The following NDUFAF6 variants were observed in gnomAD, a reference collection of about 807,000 sequenced individuals.
NDUFAF6 encodes the protein NADH dehydrogenase (ubiquinone) complex I, assembly factor 6.
Under a neutral mutation model 40.8 loss-of-function variants are expected in NDUFAF6, and 45 were observed. The ratio of observed to expected loss-of-function variants is 1.10; its 90% CI spans 0.87 to 1.42. NDUFAF6 has a LOEUF of 1.42. Among genes scored for constraint, NDUFAF6 ranks in the 40% most tolerant of loss-of-function variants. The pLI is 0.00. For synonymous variants in NDUFAF6, 185 were observed against 155.9 expected, an observed-to-expected ratio of 1.19 and a Z score of -1.39; for missense variants, 435 against 418.5, an observed-to-expected ratio of 1.04 and a Z score of -0.34.
chr8:95,025,066 C>T lies in NDUFAF6; in HGVS notation c.58C>T (p.Leu20=), dbSNP rs768378051. The T allele has an allele frequency of 2.2e-5, 32 of 1,435,674 alleles. No homozygotes were observed. In the East Asian group the frequency reaches 5.3e-4, roughly 24 times the overall value. 88.9% of individuals were successfully genotyped at this position (1,435,674 alleles called of 1,614,324 possible). A position where few individuals can be genotyped will look rare whatever the true frequency, so the allele number is the denominator to read the frequency against. The change falls in exon 1 of 9, where the codon CTG becomes TTG. Residue 20 remains leucine (L), a synonymous_variant. Coordinates refer to ENST00000396124, the MANE Select transcript of NDUFAF6 (RefSeq NM_152416.4). ...GCCGTTGCGGCTTGGCATCCCCGGC[C>T]TGTGCTGCCGCCGGCCGCCTCTGGG... ...WGPLRLGIPG[L]CCRRPPLGLY... is the part of the protein sequence containing the mutation.
upstream of NDUFAF6, chr8:95,100,251 G>C (rs1395666200): frequency 1.5e-5 from 2 of 137,906 alleles, no homozygotes; most frequent in Non-Finnish European, 3.1e-5. Flanking sequence ...TCAGGATGTG[G>C]TCTGCATGCA....
At chr8:95,033,884 G>A (rs1829162869) in intron 2 of NDUFAF6, 1 of 388,340 alleles carries the variant, frequency 2.6e-6, no homozygotes, top group Non-Finnish European at 5.3e-6. Context: ...ATTCAGTTAG[G>A]GGCACCTGGG....
At chr8:94,908,180 G>A (rs565144775) in intron 1 of NDUFAF6, among the ~76,000 whole-genome samples, 3 of 152,244 alleles carry the variant, frequency 2.0e-5, no homozygotes, top group Admixed American at 6.5e-5. Context: ...CCAGTACCTC[G>A]CATTGTGCCT....
At chr8:94,919,600 C>T (rs751095725) in intron 1 of NDUFAF6, among the ~76,000 whole-genome samples, 7 of 152,142 alleles carry the variant, frequency 4.6e-5, no homozygotes, top group Admixed American at 3.3e-4. Flanking sequence ...GTTTTGGCTA[C>T]TGTTGTTCCA....
At chr8:94,917,799 G>A (rs1369890548) in intron 1 of NDUFAF6, among the ~76,000 whole-genome samples, 1 of 152,112 alleles carries the variant, frequency 6.6e-6, no homozygotes, top group East Asian at 1.9e-4. Flanking sequence ...GTTTTTCCAA[G>A]CCCATTTTAT....
chr8:95,028,245 G>A (rs1828415544), intron 1 of NDUFAF6, among the ~76,000 whole-genome samples: 1 of 152,226 alleles, frequency 6.6e-6, no homozygotes, highest in Non-Finnish European at 1.5e-5. Flanking sequence ...CTGCATAGAT[G>A]TTAGAATGAA....
At chr8:94,954,269 G>A (rs945348509), upstream of NDUFAF6, among the ~76,000 whole-genome samples, 21 of 152,110 alleles carry the variant, frequency 1.4e-4, no homozygotes, top group African/African-American at 5.1e-4. Context: ...CACCATGTTG[G>A]CCAGGATGGT....
At chr8:95,000,954 C>CT (rs1158530408) in intron 2 of NDUFAF6, among the ~76,000 whole-genome samples, 4,901 of 133,988 alleles carry the variant, frequency 0.037, 91 homozygotes, top group Non-Finnish European at 0.041. Context: ...CTTCCCCTTA[C>CT]TTTTTTTTTT....
downstream of NDUFAF6, among the ~76,000 whole-genome samples, chr8:95,104,391 A>G (rs1269557619): frequency 2.0e-5 from 3 of 152,092 alleles, no homozygotes; most frequent in African/African-American, 7.2e-5. Flanking sequence ...CAGTTCTTAT[A>G]TCTAGTCACC....
At chr8:95,064,555 G>A (rs1461984408) in intron 9 of NDUFAF6, among the ~76,000 whole-genome samples, 1 of 152,074 alleles carries the variant, frequency 6.6e-6, no homozygotes, top group African/African-American at 2.4e-5. Context: ...GTGTGTGTGT[G>A]TGTGTGTGCG....
At chr8:95,074,793 C>G (rs1832980740) in intron 9 of NDUFAF6, among the ~76,000 whole-genome samples, 1 of 152,158 alleles carries the variant, frequency 6.6e-6, no homozygotes, top group Non-Finnish European at 1.5e-5. Flanking sequence ...ACATTTACTT[C>G]CTCACTGGTT....
At chr8:94,958,574 G>A (rs140292336) in intron 1 of NDUFAF6, among the ~76,000 whole-genome samples, 18,004 of 121,994 alleles carry the variant, frequency 0.15, 1,445 homozygotes, top group Middle Eastern at 0.37. Context: ...TTGCTCTGTC[G>A]CTCAGGCTAG....
At chr8:95,091,388 C>T (rs934679538) in intron 2 of NDUFAF6, among the ~76,000 whole-genome samples, 3 of 152,006 alleles carry the variant, frequency 2.0e-5, no homozygotes, top group African/African-American at 7.3e-5. Flanking sequence ...ATCATGAGAA[C>T]AGCCTGGGGG....
intron 1 of NDUFAF6, chr8:94,927,673 ATATAT>A (rs532954455): frequency 2.6e-5 from 4 of 152,282 alleles, no homozygotes; most frequent in South Asian, 4.1e-4. Context: ...AACATAAGAT[ATATAT>A]TATAAAATGT....
chr8:95,027,557 G>C (rs1161574254), intron 1 of NDUFAF6, among the ~76,000 whole-genome samples: 1 of 148,092 alleles, frequency 6.8e-6, no homozygotes, highest in Non-Finnish European at 1.5e-5. Flanking sequence ...TCCAGCCTGG[G>C]TGACAAAATG....
intron 2 of NDUFAF6, among the ~76,000 whole-genome samples, chr8:95,017,331 C>T (rs1827505263): frequency 6.6e-6 from 1 of 152,040 alleles, no homozygotes; most frequent in Admixed American, 6.6e-5. Flanking sequence ...CATGTAGAGT[C>T]ATGGAGACAA....
At chr8:94,903,564 A>G (rs188395021) in intron 1 of NDUFAF6, among the ~76,000 whole-genome samples, 11 of 152,354 alleles carry the variant, frequency 7.2e-5, no homozygotes, top group Non-Finnish European at 1.5e-4. Flanking sequence ...CTTACGCAGT[A>G]ATAGCATAAA....
intron 1 of NDUFAF6, among the ~76,000 whole-genome samples, chr8:94,934,692 C>A (rs1820789090): frequency 6.6e-6 from 1 of 152,076 alleles, no homozygotes; most frequent in Non-Finnish European, 1.5e-5. Context: ...ATTATAAATT[C>A]TTGAGTGGCA....
intron 1 of NDUFAF6, among the ~76,000 whole-genome samples, chr8:94,922,632 C>T (rs1819583428): frequency 6.6e-6 from 1 of 151,962 alleles, no homozygotes. Context: ...GTGCCCGGCA[C>T]CACACCCAAC....
Sources: allele counts gnomAD v4.1 joint callset (sites outside exome capture counted in the v4.1 genomes callset), GRCh38; gene constraint gnomAD v4.1.1; transcripts MANE v1.5; gene names NCBI Gene and HGNC (gene_info 2026-07-23, HGNC 2026-07-21).